Variants in DMXL1 observed in about 807,000 individuals in gnomAD.
DMXL1 encodes dmX-like protein 1.
Under a neutral mutation model 319.2 loss-of-function variants are expected in DMXL1, and 99 were observed. That is an observed-to-expected ratio of 0.31 (90% confidence interval 0.26 to 0.37). DMXL1 has a LOEUF of 0.37. Ranked by LOEUF, DMXL1 falls within the 10% of genes least tolerant of loss-of-function variation. The probability of loss-of-function intolerance (pLI) is 1.00; values close to 1 mark genes in which losing one functional copy is unlikely to be tolerated. For synonymous variants in DMXL1, 1,385 were observed against 1,235.2 expected (o/e 1.12, Z -2.54); for missense variants, 3,745 against 3,595.6 (o/e 1.04, Z -1.06).
chr5:119,148,638 T>C (rs1250307332), intron 17 of DMXL1, 101 bp from the exon 18 acceptor site: 4 of 1,155,918 alleles, frequency 3.5e-6, no homozygotes, highest in Non-Finnish European at 4.9e-6. Flanking sequence ...ATTTTGTTCA[T>C]ATTTATAGTA....
intron 37 of DMXL1, among the ~76,000 whole-genome samples, chr5:119,223,318 A>G (rs546199199): frequency 1.1e-4 from 16 of 152,158 alleles, no homozygotes; most frequent in African/African-American, 3.6e-4. Flanking sequence ...TGGCCTCCCA[A>G]AATGCTGGGA....
At chr5:119,114,729 C>T (rs1381404981) in intron 6 of DMXL1, among the ~76,000 whole-genome samples, 188 bp downstream of exon 6, 1 of 152,144 alleles carries the variant, frequency 6.6e-6, no homozygotes, top group Non-Finnish European at 1.5e-5. Flanking sequence ...AGTGCAGTGG[C>T]ACGATCTCGG....
At chr5:119,116,433 CT>C (rs1286732622) in intron 7 of DMXL1, 97 bp downstream of exon 7, 1 of 1,288,014 alleles carries the variant, frequency 7.8e-7, no homozygotes, top group African/African-American at 1.5e-5. Flanking sequence ...AGTTACAGGA[CT>C]TCTGAGCCTA....
At chr5:119,201,326 A>T (rs887356262) in intron 32 of DMXL1, among the ~76,000 whole-genome samples, 2 of 152,136 alleles carry the variant, frequency 1.3e-5, no homozygotes, top group African/African-American at 2.4e-5. Flanking sequence ...TGATATAATT[A>T]TGTGGTTTTT....
chr5:119,180,476 C>T (rs1458483060), intron 28 of DMXL1, among the ~76,000 whole-genome samples: 1 of 152,138 alleles, frequency 6.6e-6, no homozygotes, highest in Non-Finnish European at 1.5e-5. Flanking sequence ...TGTTTTATCT[C>T]TGTGGTCCCT....
chr5:119,200,670 A>G (rs1282050213), intron 32 of DMXL1, among the ~76,000 whole-genome samples: 3 of 152,204 alleles, frequency 2.0e-5, no homozygotes, highest in African/African-American at 7.2e-5. Context: ...CAATATGGCC[A>G]GTTTAATGAT....
chr5:119,238,172 G>A (rs1162045798), intron 40 of DMXL1, among the ~76,000 whole-genome samples: 1 of 151,920 alleles, frequency 6.6e-6, no homozygotes, highest in Non-Finnish European at 1.5e-5. Flanking sequence ...TTAAAAAAAT[G>A]AATTGGTTTA....
At chr5:119,220,310 C>T (rs937448809) in intron 35 of DMXL1, among the ~76,000 whole-genome samples, 162 bp from the exon 36 acceptor site, 2 of 152,152 alleles carry the variant, frequency 1.3e-5, no homozygotes, top group African/African-American at 2.4e-5. Flanking sequence ...AACGTATCTC[C>T]AAACTGAAGC....
chr5:119,129,065 A>G (rs1764228441), intron 9 of DMXL1, 146 bp from the exon 10 acceptor site: 1 of 617,474 alleles, frequency 1.6e-6, no homozygotes, highest in Non-Finnish European at 2.7e-6. Context: ...TCAAAAAAAC[A>G]AAATCTCAAA....
chr5:119,114,665 G>GTTTTTTTTTTTT (rs946483344), intron 6 of DMXL1, 124 bp downstream of exon 6: 1 of 720,470 alleles, frequency 1.4e-6, no homozygotes, highest in Non-Finnish European at 2.2e-6. Context: ...ATTAAAAATT[G>GTTTTTTTTTTTT]TTTTTTTTGT....
At chr5:119,115,119 G>A (rs1045041133) in intron 6 of DMXL1, among the ~76,000 whole-genome samples, 20 of 152,080 alleles carry the variant, frequency 1.3e-4, no homozygotes, top group Admixed American at 6.6e-5. Flanking sequence ...ATCTTATTGA[G>A]CCTTTCTTTT....
intron 38 of DMXL1, among the ~76,000 whole-genome samples, chr5:119,225,485 A>C (rs1439141469): frequency 2.0e-5 from 3 of 152,012 alleles, no homozygotes; most frequent in African/African-American, 7.2e-5. Flanking sequence ...CCCTTCGTCA[A>C]ATTGTCCTAC....
chr5:119,115,024 G>A (rs565167020), intron 6 of DMXL1, among the ~76,000 whole-genome samples: 1 of 152,292 alleles, frequency 6.6e-6, no homozygotes, highest in Non-Finnish European at 1.5e-5. Context: ...AAAAGACTGT[G>A]TGATATAATT....
chr5:119,109,267 A>G (rs1759043176), intron 4 of DMXL1, among the ~76,000 whole-genome samples: 1 of 152,194 alleles, frequency 6.6e-6, no homozygotes. Flanking sequence ...TGTAAGTTAC[A>G]TATTATCTTT....
At position 119,129,373 on chromosome 5, in the gene DMXL1, C is replaced by A; in HGVS notation, c.1265C>A (p.Ser422Tyr). 1.9e-6 allele frequency: 3 copies of A among 1,613,756 alleles called. No individual in the cohort carries two copies. The highest frequency in any genetic ancestry group is 2.5e-6 in the Non-Finnish European group (3 of 1,179,872). The part of the protein sequence containing the change: ...QLRKSFEQPS[S>Y]EASVEDSNQA... ...AGAAAAAGTTTTGAACAACCATCTT[C>A]TGAGGCCAGTGTAGAAGATTCTAAT... is the stretch of plus-strand genomic sequence containing the variant. Residue 422 changes from serine to tyrosine, a missense_variant, in exon 10 of 44, where the codon TCT becomes TAT. By Grantham distance (144) the Ser-to-Tyr change is moderately radical. Around this residue, in one of 4 missense-constraint regions of DMXL1, gnomAD observed 2,096 missense variants for 1,985.4 expected, o/e 1.06. Transcript: ENST00000539542.
intron 30 of DMXL1, among the ~76,000 whole-genome samples, chr5:119,195,069 A>G (rs1779372472): frequency 7.4e-6 from 1 of 135,510 alleles, no homozygotes; most frequent in African/African-American, 2.5e-5. Flanking sequence ...TACCAAAAAA[A>G]AAACAAAAAC....
At position 119,143,948 on chromosome 5, in the gene DMXL1, G is replaced by C. The variant is rs1767969926; in HGVS notation, c.2466+18G>C. 7 of 1,464,362 alleles carry C rather than the reference G, an allele frequency of 4.8e-6. No individual in the cohort carries two copies. The highest frequency in any genetic ancestry group is 1.4e-5 in the African/African-American group (1 of 69,018). 90.7% of individuals were successfully genotyped at this position (1,464,362 alleles called of 1,614,324 possible). On this transcript the variant is annotated intron_variant, in intron 14 of 43. Transcript: ENST00000539542. ...CCAAACTTGTAAGTATTAATTTTGG[G>C]GGGGAGGTATATTAAAAAAAAGTTT...
rs770191881 is a variant in DMXL1, at chr5:119,149,248, C to T, written c.3421C>T (p.His1141Tyr). Residue 1141 changes from histidine to tyrosine, a missense_variant, in exon 18 of 44, where the codon CAC becomes TAC. This residue lies in a region of DMXL1 where 2,096 missense variants were observed against 1,985.4 expected (regional missense o/e 1.06). Coordinates refer to ENST00000539542, the MANE Select transcript of DMXL1 (RefSeq NM_001290321.3). ...CACATCAAACACAAAGCATTTAGTT[C>T]ACTTAGATTGGATGTCTAGAGAAGA... The part of the protein sequence containing the change: ...NITSNTKHLV[H>Y]LDWMSREDGS... 9 of 1,613,710 alleles carry T rather than the reference C, an allele frequency of 5.6e-6. No individual in the cohort carries two copies. In the African/African-American group the frequency reaches 9.3e-5, roughly 17 times the overall value.
chr5:119,128,848 G>A (rs1359127045), intron 9 of DMXL1, among the ~76,000 whole-genome samples: 5 of 152,106 alleles, frequency 3.3e-5, no homozygotes, highest in African/African-American at 7.2e-5. Flanking sequence ...GGTAGATCAC[G>A]AGGTTGGGAG....
Sources: allele counts gnomAD v4.1 joint callset (sites outside exome capture counted in the v4.1 genomes callset), GRCh38; gene constraint gnomAD v4.1.1; regional missense constraint gnomAD v4.1.1; transcripts MANE v1.5; gene names NCBI Gene and HGNC (gene_info 2026-07-23, HGNC 2026-07-21).